Variants in ELP4 observed in about 807,000 individuals in gnomAD.
ELP4 encodes the protein elongator complex protein 4.
Under a neutral mutation model 48.9 loss-of-function variants are expected in ELP4, and 51 were observed. The ratio of observed to expected loss-of-function variants is 1.04; its 90% CI spans 0.83 to 1.32. ELP4 has a LOEUF of 1.32. Among genes scored for constraint, ELP4 ranks in the 40% most tolerant of loss-of-function variants. ELP4 has a pLI of 0.00. For synonymous variants in ELP4, 210 were observed against 189.2 expected (o/e 1.11, Z -0.90); for missense variants, 519 against 514.6 (o/e 1.01, Z -0.08).
At chr11:31,761,770 TG>T (rs1947951206) in intron 9 of ELP4, 1 of 152,180 alleles carries the variant, frequency 6.6e-6, no homozygotes, top group Admixed American at 6.5e-5. Flanking sequence ...GGTGTGGTCT[TG>T]GGACTTTGCC....
rs771638843 is a variant in ELP4, at chr11:31,788,332, A to T, written c.*4808A>T. On this transcript the variant is annotated 3_prime_UTR_variant, in exon 10 of 10. Transcript: ENST00000640961. ...GTCTGTTGATGTGTCTGTGCTCATT[A>T]TTCCTTGACATGCAACATCCCCCCT... 16 of 224,584 alleles carry T rather than the reference A, an allele frequency of 7.1e-5. No individual in the cohort carries two copies. The highest frequency in any genetic ancestry group is 1.8e-5 in the Non-Finnish European group (2 of 112,684). The allele number at this position is 224,584 out of a possible 1,614,324, so 13.9% of individuals were successfully genotyped here.
intron 9 of ELP4, chr11:31,681,748 T>TA (rs1946055580): frequency 6.2e-6 from 1 of 160,248 alleles, no homozygotes; most frequent in Non-Finnish European, 1.4e-5. Context: ...TTCCTTTTTT[T>TA]TTTTTTTTTT....
intron 9 of ELP4, among the ~76,000 whole-genome samples, chr11:31,731,419 T>C (rs1947182400): frequency 1.3e-5 from 2 of 151,990 alleles, no homozygotes; most frequent in Admixed American, 6.6e-5. Context: ...TTTTAAAAAT[T>C]CCCTAGAGGG....
intron 6 of ELP4, chr11:31,628,106 A>T (rs982607683): frequency 3.9e-5 from 6 of 152,090 alleles, no homozygotes; most frequent in Non-Finnish European, 8.8e-5. Flanking sequence ...ATTTATTTAT[A>T]GGTGACTTTT....
intron 6 of ELP4, among the ~76,000 whole-genome samples, chr11:31,629,293 GTTC>G: frequency 6.6e-6 from 1 of 151,942 alleles, no homozygotes; most frequent in Admixed American, 6.6e-5. Flanking sequence ...CAGCTACAAG[GTTC>G]TTTTTTTTAA....
chr11:31,544,111 C>T (rs1265430161), intron 3 of ELP4, among the ~76,000 whole-genome samples: 1 of 152,198 alleles, frequency 6.6e-6, no homozygotes, highest in Non-Finnish European at 1.5e-5. Context: ...ATCTGAGGTA[C>T]CAGGTTCATC....
intron 9 of ELP4, among the ~76,000 whole-genome samples, chr11:31,657,011 AT>A: frequency 6.6e-6 from 1 of 152,116 alleles, no homozygotes; most frequent in Non-Finnish European, 1.5e-5. Context: ...ATGATGACAA[AT>A]CACAGCTATT....
intron 3 of ELP4, among the ~76,000 whole-genome samples, chr11:31,569,422 A>T (rs1225656408): frequency 1.3e-5 from 2 of 152,198 alleles, no homozygotes; most frequent in Admixed American, 6.5e-5. Context: ...CACTGAAAAG[A>T]GAGCAAAGGA....
chr11:31,512,600 G>A (rs1299033649), intron 1 of ELP4: 1 of 152,130 alleles, frequency 6.6e-6, no homozygotes, highest in African/African-American at 2.4e-5. Context: ...TCTAACCCAT[G>A]TTCTCAACCT....
At chr11:31,727,749 T>C (rs1368621198) in intron 9 of ELP4, 1 of 152,150 alleles carries the variant, frequency 6.6e-6, no homozygotes. Context: ...AATTATTGAA[T>C]AATGAAGAAA....
At chr11:31,695,059 A>C (rs578011784) in intron 9 of ELP4, among the ~76,000 whole-genome samples, 13 of 152,110 alleles carry the variant, frequency 8.5e-5, no homozygotes, top group African/African-American at 1.2e-4. Context: ...ATTTTGGGCC[A>C]AGACAATGGG....
At chr11:31,763,644 T>C in intron 9 of ELP4, 1 of 1,227,976 alleles carries the variant, frequency 8.1e-7, no homozygotes, top group Non-Finnish European at 1.1e-6. Flanking sequence ...GTTTAAGGTG[T>C]TCACATACTG....
intron 5 of ELP4, among the ~76,000 whole-genome samples, chr11:31,608,254 G>T (rs1018771684): frequency 9.2e-5 from 14 of 151,934 alleles, no homozygotes; most frequent in African/African-American, 2.7e-4. Context: ...GGAGAGAAGT[G>T]TATGGGGGTT....
chr11:31,560,858 A>G (rs1957014215), intron 3 of ELP4, among the ~76,000 whole-genome samples: 1 of 151,874 alleles, frequency 6.6e-6, no homozygotes, highest in Non-Finnish European at 1.5e-5. Context: ...CCTTTGCTAT[A>G]TTTAGATACC....
chr11:31,729,521 C>CA (rs1299467182), intron 9 of ELP4, among the ~76,000 whole-genome samples: 1 of 152,060 alleles, frequency 6.6e-6, no homozygotes, highest in African/African-American at 2.4e-5. Context: ...CTTCAGATCT[C>CA]AAAAAAACAT....
At chr11:31,776,980 T>C (rs1159834747) in intron 9 of ELP4, among the ~76,000 whole-genome samples, 1 of 152,232 alleles carries the variant, frequency 6.6e-6, no homozygotes, top group South Asian at 2.1e-4. Flanking sequence ...TATTTGGTTC[T>C]GGCATTGTTT....
At chr11:31,688,661 GA>G (rs1451018171) in intron 9 of ELP4, among the ~76,000 whole-genome samples, 2 of 152,150 alleles carry the variant, frequency 1.3e-5, no homozygotes, top group African/African-American at 4.8e-5. Flanking sequence ...ATACACTCAA[GA>G]AATGTAGAAT....
intron 3 of ELP4, among the ~76,000 whole-genome samples, chr11:31,581,462 C>A (rs545100116): frequency 6.7e-6 from 1 of 150,252 alleles, no homozygotes; most frequent in Non-Finnish European, 1.5e-5. Flanking sequence ...GCTGAACATA[C>A]AATTCTAGAT....
chr11:31,761,928 T>A, intron 9 of ELP4: 1 of 152,480 alleles, frequency 6.6e-6, no homozygotes. Flanking sequence ...AACAATGGCA[T>A]TGCTGTCAAG....
Sources: allele counts gnomAD v4.1 joint callset (sites outside exome capture counted in the v4.1 genomes callset), GRCh38; gene constraint gnomAD v4.1.1; transcripts MANE v1.5; gene names NCBI Gene and HGNC (gene_info 2026-07-23, HGNC 2026-07-21).